Variants in FRMD4A observed in about 807,000 individuals in gnomAD.
FRMD4A encodes FERM domain containing 4A.
FRMD4A carries 29 observed loss-of-function variants against 129.1 expected under a neutral mutation model. The ratio of observed to expected loss-of-function variants is 0.22; its 90% CI spans 0.17 to 0.31. The LOEUF is 0.31. Among genes scored for constraint, FRMD4A ranks in the 10% least tolerant of loss-of-function variants. FRMD4A has a pLI of 1.00. For missense variants in FRMD4A, 1,272 were observed against 1,375.8 expected, an observed-to-expected ratio of 0.92 and a Z score of 1.19; for synonymous variants, 634 against 571.6, an observed-to-expected ratio of 1.11 and a Z score of -1.56.
intron 2 of FRMD4A, among the ~76,000 whole-genome samples, chr10:14,179,774 C>T (rs1018979356): frequency 4.6e-5 from 7 of 152,224 alleles, no homozygotes; most frequent in Non-Finnish European, 8.8e-5. Flanking sequence ...TGGCTCACGC[C>T]TGTAATCCCA....
intron 2 of FRMD4A, among the ~76,000 whole-genome samples, chr10:14,042,795 T>G (rs1304229401): frequency 6.6e-6 from 1 of 151,584 alleles, no homozygotes; most frequent in African/African-American, 2.4e-5. Flanking sequence ...ACACTGCACC[T>G]CTACTAAAAA....
rs2093517196 is a variant in FRMD4A at position 13,814,922 on chromosome 10, G to C, written c.112-4014C>G. Among the ~76,000 whole-genome samples the C allele has an allele frequency of 4.6e-5, 7 of 152,078 alleles. No homozygotes were observed. The South Asian group carries it at 1.5e-3, about 32-fold the overall frequency. On this transcript the variant is annotated intron_variant, in intron 3 of 24. Coordinates refer to ENST00000357447, the MANE Select transcript of FRMD4A (RefSeq NM_018027.5). Reference sequence around the variant, plus strand: ...AACCCAGGAAGCAAACGTGATCTTAGCCAATAGGTGTTGAATATTTGGGTC... The same window carrying C: ...AACCCAGGAAGCAAACGTGATCTTACCCAATAGGTGTTGAATATTTGGGTC...
At chr10:13,952,555 A>C (rs1485273419) in intron 2 of FRMD4A, among the ~76,000 whole-genome samples, 1 of 152,176 alleles carries the variant, frequency 6.6e-6, no homozygotes, top group East Asian at 1.9e-4. Context: ...AAGGAATTTA[A>C]AATGTACCTG....
intron 2 of FRMD4A, among the ~76,000 whole-genome samples, chr10:14,102,451 C>T (rs1023939049): frequency 2.6e-5 from 4 of 152,254 alleles, no homozygotes; most frequent in South Asian, 2.1e-4. Flanking sequence ...CACTTGAACC[C>T]GGGAGGCGGA....
At chr10:13,900,030 G>T (rs1268792368) in intron 2 of FRMD4A, among the ~76,000 whole-genome samples, 2 of 152,136 alleles carry the variant, frequency 1.3e-5, no homozygotes, top group African/African-American at 4.8e-5. Flanking sequence ...AATGCAGAGA[G>T]ATCCCTCTGG....
Position 14,059,985 on chromosome 10 carries a change from T to C in FRMD4A, c.46-201073A>G, listed in dbSNP as rs186528443. ...CCGAGGCATAGTGGTGCTAACTCGC[T>C]AACTCAACTAGTAAGTGTGGGGAGA... On this transcript the variant is annotated intron_variant, in intron 2 of 24. Coordinates refer to ENST00000357447, the MANE Select transcript of FRMD4A (RefSeq NM_018027.5). Among the ~76,000 whole-genome samples the C allele has an allele frequency of 7.2e-5, 11 of 152,364 alleles. No homozygotes were observed. In the East Asian group the frequency reaches 2.1e-3, roughly 29 times the overall value.
chr10:13,876,001 A>C (rs1365634149), intron 2 of FRMD4A, among the ~76,000 whole-genome samples: 1 of 152,238 alleles, frequency 6.6e-6, no homozygotes, highest in African/African-American at 2.4e-5. Context: ...ATTCCAGAAG[A>C]TACATTCGGA....
At chr10:13,803,171 G>A in intron 4 of FRMD4A, among the ~76,000 whole-genome samples, 1 of 144,374 alleles carries the variant, frequency 6.9e-6, no homozygotes, top group East Asian at 2.0e-4. Context: ...AAAAGGGACA[G>A]ACCAGTGATA....
chr10:13,717,613 TAA>T (rs1166591294), intron 12 of FRMD4A, among the ~76,000 whole-genome samples: 2 of 60,896 alleles, frequency 3.3e-5, no homozygotes, highest in Non-Finnish European at 6.2e-5. Flanking sequence ...CGCACCCGGC[TAA>T]ATTTTTTTTT....
intron 2 of FRMD4A, among the ~76,000 whole-genome samples, chr10:13,904,383 C>T (rs1269241851): frequency 1.3e-5 from 2 of 152,224 alleles, no homozygotes; most frequent in Non-Finnish European, 2.9e-5. Flanking sequence ...CGCTCAGACG[C>T]CTCATTCCCC....
chr10:13,849,378 C>A (rs1000030025), intron 3 of FRMD4A, among the ~76,000 whole-genome samples: 2 of 152,254 alleles, frequency 1.3e-5, no homozygotes, highest in African/African-American at 4.8e-5. Flanking sequence ...CACCTGCCCA[C>A]ACTACTCAGT....
At chr10:14,167,153 T>C (rs927185445) in intron 2 of FRMD4A, among the ~76,000 whole-genome samples, 1 of 152,142 alleles carries the variant, frequency 6.6e-6, no homozygotes, top group Non-Finnish European at 1.5e-5. Context: ...CCAGTGACAC[T>C]GATTTGACTA....
chr10:14,184,110 TTTTTC>T (rs1564369961), intron 2 of FRMD4A, among the ~76,000 whole-genome samples: 5 of 139,172 alleles, frequency 3.6e-5, no homozygotes, highest in Admixed American at 7.7e-5. Flanking sequence ...TCCTTTTTTG[TTTTTC>T]TTTTCTTTTC....
chr10:14,285,826 G>A (rs978806187), intron 2 of FRMD4A, among the ~76,000 whole-genome samples: 1 of 152,180 alleles, frequency 6.6e-6, no homozygotes, highest in Admixed American at 6.5e-5. Flanking sequence ...CAGCTGACTG[G>A]CAATCAATAT....
intron 2 of FRMD4A, among the ~76,000 whole-genome samples, chr10:14,102,044 T>C (rs1837333579): frequency 6.6e-6 from 1 of 152,178 alleles, no homozygotes; most frequent in African/African-American, 2.4e-5. Context: ...GATGCACGTT[T>C]CCACCCAGTT....
intron 3 of FRMD4A, among the ~76,000 whole-genome samples, chr10:13,834,127 G>A (rs954035436): frequency 3.3e-5 from 5 of 152,120 alleles, no homozygotes; most frequent in Admixed American, 6.5e-5. Context: ...AGCTGGGCAC[G>A]GTGGTGGGTG....
intron 2 of FRMD4A, among the ~76,000 whole-genome samples, chr10:13,864,278 G>A (rs1257979691): frequency 7.0e-6 from 1 of 142,804 alleles, no homozygotes; most frequent in Non-Finnish European, 1.5e-5. Context: ...TTATAGGCAT[G>A]AGCCACCACA....
intron 3 of FRMD4A, among the ~76,000 whole-genome samples, chr10:13,855,077 T>C (rs1055402631): frequency 2.6e-5 from 4 of 152,112 alleles, no homozygotes; most frequent in Admixed American, 1.3e-4. Context: ...CTCAGAGCAA[T>C]AGAGGATTTG....
intron 2 of FRMD4A, among the ~76,000 whole-genome samples, chr10:13,976,846 A>T (rs530672525): frequency 2.0e-5 from 3 of 152,330 alleles, no homozygotes; most frequent in Admixed American, 6.5e-5. Flanking sequence ...CTGAAGAACT[A>T]TTCTATCTCA....
Sources: allele counts gnomAD v4.1 joint callset (sites outside exome capture counted in the v4.1 genomes callset), GRCh38; gene constraint gnomAD v4.1.1; transcripts MANE v1.5; gene names NCBI Gene and HGNC (gene_info 2026-07-23, HGNC 2026-07-21).